The following EPHA6 variants were observed in gnomAD, a reference collection of about 807,000 sequenced individuals.
The protein encoded by EPHA6 is EPH receptor A6, also known as ephrin type-A receptor 6.
EPHA6 carries 50 observed loss-of-function variants against 112.0 expected under a neutral mutation model. The observed-to-expected ratio is 0.45, with a 90% CI of 0.36 to 0.56. The LOEUF (loss-of-function observed/expected upper bound fraction) is 0.56, where lower values mean the gene tolerates loss of function less well. Ranked by LOEUF, EPHA6 falls within the 20% of genes least tolerant of loss-of-function variation. The pLI is 0.00. For synonymous variants in EPHA6, 529 were observed against 490.7 expected (o/e 1.08, Z -1.03); for missense variants, 1,280 against 1,417.4 (o/e 0.90, Z 1.56).
intron 7 of EPHA6, among the ~76,000 whole-genome samples, chr3:97,461,376 A>G (rs1358741344): frequency 6.6e-6 from 1 of 152,000 alleles, no homozygotes; most frequent in Non-Finnish European, 1.5e-5. Flanking sequence ...TCAGTTAACC[A>G]CTCTGTGCCT....
intron 1 of EPHA6, among the ~76,000 whole-genome samples, chr3:96,834,905 T>A (rs2034309767): frequency 6.6e-6 from 1 of 152,016 alleles, no homozygotes; most frequent in South Asian, 2.1e-4. Context: ...TATGAGCAGG[T>A]GTCCGGCCAT....
chr3:97,100,733 A>C (rs2108259456), intron 3 of EPHA6, among the ~76,000 whole-genome samples: 1 of 152,068 alleles, frequency 6.6e-6, no homozygotes, highest in South Asian at 2.1e-4. Flanking sequence ...TACTCTGAAC[A>C]TTATCAAAGT....
intron 11 of EPHA6, among the ~76,000 whole-genome samples, chr3:97,579,064 T>C (rs1170057679): frequency 1.3e-5 from 2 of 152,230 alleles, no homozygotes; most frequent in African/African-American, 4.8e-5. Flanking sequence ...CAGCAATTCT[T>C]TTCTATAAAT....
chr3:96,929,977 G>T (rs1432639356), intron 2 of EPHA6, among the ~76,000 whole-genome samples: 1 of 152,032 alleles, frequency 6.6e-6, no homozygotes, highest in Non-Finnish European at 1.5e-5. Context: ...ATATTCTCAG[G>T]CTGAGATTCT....
intron 3 of EPHA6, among the ~76,000 whole-genome samples, chr3:97,013,058 C>T (rs1420340317): frequency 2.0e-5 from 3 of 152,042 alleles, no homozygotes; most frequent in Non-Finnish European, 4.4e-5. Context: ...TCTGTTTACC[C>T]TGTTGATAAT....
At chr3:97,599,740 G>A (rs952187832) in intron 12 of EPHA6, among the ~76,000 whole-genome samples, 1 of 152,112 alleles carries the variant, frequency 6.6e-6, no homozygotes, top group African/African-American at 2.4e-5. Flanking sequence ...GGATTGACTT[G>A]GTGATGCGGG....
intron 3 of EPHA6, among the ~76,000 whole-genome samples, chr3:97,202,787 A>G (rs1416472473): frequency 1.3e-5 from 2 of 152,176 alleles, no homozygotes; most frequent in Non-Finnish European, 2.9e-5. Context: ...TTTATGTACT[A>G]TGGATAAATC....
At chr3:97,187,483 T>G (rs536041984) in intron 3 of EPHA6, among the ~76,000 whole-genome samples, 1 of 151,338 alleles carries the variant, frequency 6.6e-6, no homozygotes, top group South Asian at 2.1e-4. Context: ...GGCAGGAGAA[T>G]TGCTTGAGCC....
At chr3:97,251,495 A>C (rs1330482083) in intron 5 of EPHA6, among the ~76,000 whole-genome samples, 2 of 151,946 alleles carry the variant, frequency 1.3e-5, no homozygotes, top group East Asian at 3.9e-4. Flanking sequence ...GTCCCTCTGC[A>C]CTCCAGCCGA....
intron 2 of EPHA6, among the ~76,000 whole-genome samples, chr3:96,968,546 G>A (rs544157520): frequency 6.6e-6 from 1 of 151,506 alleles, no homozygotes; most frequent in Non-Finnish European, 1.5e-5. Flanking sequence ...AATCATTTTT[G>A]TCAAGTACTT....
chr3:97,130,469 A>T (rs371450139), intron 3 of EPHA6, among the ~76,000 whole-genome samples: 1 of 152,118 alleles, frequency 6.6e-6, no homozygotes, highest in Admixed American at 6.5e-5. Flanking sequence ...TCTATGTTCT[A>T]TTTAATTATA....
intron 3 of EPHA6, among the ~76,000 whole-genome samples, chr3:97,118,973 A>G (rs1576520347): frequency 6.6e-6 from 1 of 151,926 alleles, no homozygotes; most frequent in Non-Finnish European, 1.5e-5. Flanking sequence ...TTTTTGGCCT[A>G]TTTACTCACA....
chr3:97,406,789 G>C (rs2087376909), intron 6 of EPHA6, among the ~76,000 whole-genome samples: 1 of 152,104 alleles, frequency 6.6e-6, no homozygotes, highest in African/African-American at 2.4e-5. Flanking sequence ...GTTTAAATTG[G>C]AATACAGATT....
At chr3:96,938,753 G>A (rs1374265652) in intron 2 of EPHA6, among the ~76,000 whole-genome samples, 2 of 151,750 alleles carry the variant, frequency 1.3e-5, no homozygotes, top group African/African-American at 2.4e-5. Flanking sequence ...GTTTGTCATA[G>A]ATAGCTCTTA....
At chr3:96,994,814 A>C (rs966838058) in intron 3 of EPHA6, among the ~76,000 whole-genome samples, 3 of 145,964 alleles carry the variant, frequency 2.1e-5, no homozygotes, top group African/African-American at 5.2e-5. Context: ...ATATATATAG[A>C]GAGAGAGAGA....
At chr3:97,582,885 G>C (rs2093452094) in intron 11 of EPHA6, among the ~76,000 whole-genome samples, 1 of 151,906 alleles carries the variant, frequency 6.6e-6, no homozygotes, top group South Asian at 2.1e-4. Flanking sequence ...TTGTATCTGT[G>C]AGTAAAACTA....
chr3:97,268,835 G>A (rs908442151), intron 5 of EPHA6, among the ~76,000 whole-genome samples: 6 of 152,098 alleles, frequency 3.9e-5, no homozygotes. Flanking sequence ...TCATATTACT[G>A]ATAGTTTCTT....
chr3:97,201,396 T>C (rs1053824970), intron 3 of EPHA6, among the ~76,000 whole-genome samples: 3 of 152,084 alleles, frequency 2.0e-5, no homozygotes, highest in Admixed American at 6.6e-5. Context: ...TTACAGTCAA[T>C]ATAGGAAAAT....
In EPHA6 at chr3:97,700,630, G is replaced by A. The variant is rs919121316; in HGVS notation, c.2785-19631G>A. On this transcript the variant is annotated intron_variant, in intron 14 of 17. Coordinates refer to ENST00000389672, the MANE Select transcript of EPHA6 (RefSeq NM_001080448.3). The stretch of plus-strand genomic sequence containing the variant: ...ATCTAAAGTCAAGGCTGCTAACAAA[G>A]AACTATCTCTTTTAAGGTACAACAC... 3.9e-5 allele frequency among the ~76,000 whole-genome samples: 6 copies of A among 152,290 alleles called. No homozygotes were observed. In the East Asian group the frequency reaches 1.2e-3, roughly 29 times the overall value.
Sources: gnomAD v4.1 joint callset for allele counts (sites outside exome capture counted in the v4.1 genomes callset) on GRCh38, gnomAD v4.1.1 for gene constraint, MANE v1.5 for transcripts, NCBI Gene and HGNC (gene_info 2026-07-23, HGNC 2026-07-21) for gene names.